KCNH1: variants seen among roughly 807,000 people sequenced by gnomAD.
KCNH1 encodes the protein voltage-gated delayed rectifier potassium channel KCNH1.
KCNH1 carries 27 observed loss-of-function variants against 69.2 expected under a neutral mutation model. The ratio of observed to expected loss-of-function variants is 0.39; its 90% CI spans 0.29 to 0.54. The LOEUF (loss-of-function observed/expected upper bound fraction) is 0.54, where lower values mean the gene tolerates loss of function less well. Among genes scored for constraint, KCNH1 ranks in the 20% least tolerant of loss-of-function variants. KCNH1 has a pLI of 0.68. For synonymous variants in KCNH1, 456 were observed against 487.7 expected (o/e 0.93, Z 0.86); for missense variants, 798 against 1,261.6 (o/e 0.63, Z 5.57).
intron 9 of KCNH1, among the ~76,000 whole-genome samples, chr1:210,795,962 AACACACACACACACACACACACACAC>A (rs369505764): frequency 1.5e-5 from 2 of 135,984 alleles, no homozygotes; most frequent in Non-Finnish European, 3.1e-5. Context: ...CTCTACTAAA[AACACACACACACACACACACACACAC>A]ACACACACAC....
chr1:210,734,506 A>G (rs1682825197), intron 10 of KCNH1, among the ~76,000 whole-genome samples: 1 of 152,182 alleles, frequency 6.6e-6, no homozygotes, highest in African/African-American at 2.4e-5. Flanking sequence ...CAATTAGGTA[A>G]AGTTTGCATT....
At chr1:211,069,526 A>C (rs1256493816) in intron 5 of KCNH1, among the ~76,000 whole-genome samples, 1 of 152,202 alleles carries the variant, frequency 6.6e-6, no homozygotes, top group Non-Finnish European at 1.5e-5. Flanking sequence ...ATGCAAGAAC[A>C]GATAGAACTC....
At chr1:210,693,315 G>T (rs571110325) in intron 10 of KCNH1, among the ~76,000 whole-genome samples, 2 of 152,246 alleles carry the variant, frequency 1.3e-5, no homozygotes, top group East Asian at 1.9e-4. Context: ...CTAAGCATGG[G>T]TACATCAGTG....
chr1:210,853,340 A>G (rs1409044326), intron 7 of KCNH1, among the ~76,000 whole-genome samples: 1 of 152,228 alleles, frequency 6.6e-6, no homozygotes, highest in African/African-American at 2.4e-5. Flanking sequence ...CAGGTTTGGA[A>G]GGTGGCCCAA....
chr1:211,064,212 G>A (rs1313806518), intron 5 of KCNH1, among the ~76,000 whole-genome samples: 4 of 152,134 alleles, frequency 2.6e-5, no homozygotes, highest in South Asian at 4.1e-4. Context: ...AAGAATGAAG[G>A]AGACAAATGC....
intron 7 of KCNH1, among the ~76,000 whole-genome samples, chr1:210,838,023 C>G (rs945896970): frequency 6.6e-6 from 1 of 151,984 alleles, no homozygotes; most frequent in East Asian, 1.9e-4. Context: ...AAAAAAGAGC[C>G]CAAATAGCCA....
intron 2 of KCNH1, among the ~76,000 whole-genome samples, chr1:211,104,349 C>T (rs1691316688): frequency 6.6e-6 from 1 of 151,938 alleles, no homozygotes; most frequent in Admixed American, 6.6e-5. Flanking sequence ...TAAGTTTAGA[C>T]CATAGATTTT....
chr1:211,100,201 AC>A, intron 3 of KCNH1, among the ~76,000 whole-genome samples: 3 of 151,912 alleles, frequency 2.0e-5, no homozygotes. Context: ...TGACATACTT[AC>A]CCTGCTTAAA....
At chr1:210,806,305 A>G (rs977617417) in intron 7 of KCNH1, among the ~76,000 whole-genome samples, 3 of 152,240 alleles carry the variant, frequency 2.0e-5, no homozygotes, top group South Asian at 2.1e-4. Flanking sequence ...TTGCATTTCC[A>G]TACAGCTAAT....
intron 7 of KCNH1, among the ~76,000 whole-genome samples, chr1:210,815,585 A>G (rs537058740): frequency 9.5e-4 from 145 of 152,106 alleles, no homozygotes; most frequent in African/African-American, 3.3e-3. Flanking sequence ...CCCTTTTATC[A>G]CCACCGCCCC....
chr1:210,920,200 A>G (rs1687430916), intron 6 of KCNH1, 131 bp from the exon 7 acceptor site: 1 of 746,446 alleles, frequency 1.3e-6, no homozygotes, highest in African/African-American at 1.8e-5. Flanking sequence ...AACCCTTAAA[A>G]AAAGTAAAAT....
intron 5 of KCNH1, among the ~76,000 whole-genome samples, chr1:211,026,653 GT>G (rs1689690086): frequency 6.6e-6 from 1 of 152,174 alleles, no homozygotes; most frequent in African/African-American, 2.4e-5. Flanking sequence ...AAAAGGCCCA[GT>G]AAGGAGCATG....
chr1:210,757,730 T>A (rs754211927), intron 10 of KCNH1, among the ~76,000 whole-genome samples: 18 of 152,242 alleles, frequency 1.2e-4, no homozygotes, highest in Non-Finnish European at 2.5e-4. Context: ...AATAGCCACT[T>A]GTCAGGAGGA....
intron 10 of KCNH1, among the ~76,000 whole-genome samples, chr1:210,726,159 C>T (rs114624886): frequency 0.014 from 2,180 of 152,162 alleles, 53 homozygotes; most frequent in African/African-American, 0.049. Context: ...AGAGTCTCCC[C>T]GGAAGAGGCT....
chr1:210,835,564 G>A (rs1158046404), intron 7 of KCNH1, among the ~76,000 whole-genome samples: 2 of 152,182 alleles, frequency 1.3e-5, no homozygotes, highest in African/African-American at 4.8e-5. Context: ...GGGAGAGAGG[G>A]AGGGAGGCAG....
chr1:210,896,465 G>A (rs1165623426), intron 7 of KCNH1, among the ~76,000 whole-genome samples: 1 of 152,162 alleles, frequency 6.6e-6, no homozygotes, highest in Admixed American at 6.5e-5. Flanking sequence ...GGAGACTGAA[G>A]GGTTTTCTTC....
chr1:210,839,723 T>A (rs1026906557), intron 7 of KCNH1, among the ~76,000 whole-genome samples: 1 of 152,210 alleles, frequency 6.6e-6, no homozygotes, highest in Non-Finnish European at 1.5e-5. Context: ...TTATATCAAA[T>A]GTGACTCTAG....
chr1:210,905,765 C>T (rs1303063088), intron 7 of KCNH1, among the ~76,000 whole-genome samples: 3 of 152,064 alleles, frequency 2.0e-5, no homozygotes, highest in Non-Finnish European at 4.4e-5. Context: ...AATGTAAGCT[C>T]TGTTTCTTCC....
intron 6 of KCNH1, among the ~76,000 whole-genome samples, chr1:210,932,781 G>T (rs1302158500): frequency 6.6e-6 from 1 of 152,082 alleles, no homozygotes; most frequent in Non-Finnish European, 1.5e-5. Context: ...TATATAATGA[G>T]CAAAGAATCA....
Sources: allele counts gnomAD v4.1 joint callset (sites outside exome capture counted in the v4.1 genomes callset), GRCh38; gene constraint gnomAD v4.1.1; transcripts MANE v1.5; gene names NCBI Gene and HGNC (gene_info 2026-07-23, HGNC 2026-07-21).